The following RASGRF2 variants were observed in gnomAD, a reference collection of about 807,000 sequenced individuals.
RASGRF2 encodes the protein Ras protein specific guanine nucleotide releasing factor 2.
RASGRF2 carries 76 observed loss-of-function variants against 151.0 expected under a neutral mutation model. That is an observed-to-expected ratio of 0.50 (90% CI 0.42 to 0.61). The LOEUF is 0.61. RASGRF2 is among the 20% of genes least tolerant of loss of function. The probability of loss-of-function intolerance (pLI) is 0.00; values close to 1 mark genes in which losing one functional copy is unlikely to be tolerated. For missense variants in RASGRF2, 1,148 were observed against 1,564.6 expected (o/e 0.73, Z 4.49); for synonymous variants, 504 against 566.5 (o/e 0.89, Z 1.57).
intron 1 of RASGRF2, among the ~76,000 whole-genome samples, chr5:81,008,684 C>G (rs1749356808): frequency 6.6e-6 from 1 of 152,088 alleles, no homozygotes; most frequent in South Asian, 2.1e-4. Context: ...TCTTCCTTCT[C>G]TTCTTCCCTC....
At chr5:81,217,573 T>C (rs28390259) in intron 25 of RASGRF2, 100 bp downstream of exon 25, 52,482 of 480,808 alleles carry the variant, frequency 0.11, 4,675 homozygotes, top group Admixed American at 0.28. Flanking sequence ...TTTTTTCTCT[T>C]CTTTTTTTTT....
chr5:81,201,036 G>A (rs938064712), intron 18 of RASGRF2, among the ~76,000 whole-genome samples: 1 of 152,110 alleles, frequency 6.6e-6, no homozygotes, highest in African/African-American at 2.4e-5. Context: ...GGCCTCGTAA[G>A]CTCTGTTAAG....
chr5:81,212,119 A>G (rs1280067864), intron 22 of RASGRF2, among the ~76,000 whole-genome samples: 1 of 152,152 alleles, frequency 6.6e-6, no homozygotes, highest in South Asian at 2.1e-4. Context: ...GAACAAAATC[A>G]TCTCTTCCCT....
chr5:81,117,766 A>G (rs1352184440), intron 15 of RASGRF2, among the ~76,000 whole-genome samples: 2 of 152,238 alleles, frequency 1.3e-5, no homozygotes, highest in South Asian at 2.1e-4. Flanking sequence ...GACTCAAGAC[A>G]TGATTCATCC....
intron 8 of RASGRF2, among the ~76,000 whole-genome samples, chr5:81,086,465 C>T (rs529882086): frequency 6.6e-6 from 1 of 152,264 alleles, no homozygotes; most frequent in East Asian, 1.9e-4. Flanking sequence ...GTCTGTGTTA[C>T]TTTAGCTTAT....
chr5:80,984,420 T>G (rs1039396013), intron 1 of RASGRF2, among the ~76,000 whole-genome samples: 2 of 152,248 alleles, frequency 1.3e-5, no homozygotes, highest in Admixed American at 1.3e-4. Flanking sequence ...TTAGGGTTTG[T>G]GTTTTGTTGA....
intron 1 of RASGRF2, among the ~76,000 whole-genome samples, chr5:81,036,576 T>C (rs975911452): frequency 1.3e-5 from 2 of 152,200 alleles, no homozygotes; most frequent in African/African-American, 4.8e-5. Context: ...CCTTATTTTT[T>C]GGTAAATATT....
At chr5:81,042,205 A>G (rs1750698322) in intron 1 of RASGRF2, among the ~76,000 whole-genome samples, 1 of 152,154 alleles carries the variant, frequency 6.6e-6, no homozygotes, top group Non-Finnish European at 1.5e-5. Flanking sequence ...AGTTCCTTTC[A>G]TCCAACAATA....
intron 7 of RASGRF2, among the ~76,000 whole-genome samples, chr5:81,084,585 C>T (rs1752174154): frequency 6.6e-6 from 1 of 152,182 alleles, no homozygotes; most frequent in African/African-American, 2.4e-5. Flanking sequence ...AGTTCAATGT[C>T]TGTGCTAATG....
chr5:81,035,015 C>T (rs1236095936), intron 1 of RASGRF2, among the ~76,000 whole-genome samples: 1 of 152,152 alleles, frequency 6.6e-6, no homozygotes. Flanking sequence ...AACACTTTTA[C>T]ACTGTTGGTG....
At chr5:81,037,657 A>C (rs1025620903) in intron 1 of RASGRF2, among the ~76,000 whole-genome samples, 1 of 152,242 alleles carries the variant, frequency 6.6e-6, no homozygotes, top group Admixed American at 6.5e-5. Context: ...TGTTTATGTG[A>C]AATGATTGAG....
At chr5:81,105,273 C>T (rs944094814) in intron 12 of RASGRF2, among the ~76,000 whole-genome samples, 1 of 152,108 alleles carries the variant, frequency 6.6e-6, no homozygotes, top group Non-Finnish European at 1.5e-5. Context: ...GACCCAATTC[C>T]TGTATTCCCC....
intron 9 of RASGRF2, among the ~76,000 whole-genome samples, chr5:81,092,587 G>A (rs1009810361): frequency 2.0e-5 from 3 of 152,172 alleles, no homozygotes; most frequent in African/African-American, 7.2e-5. Context: ...AGTCTAAAGT[G>A]TTTCACAAAA....
Position 81,087,067 on chromosome 5 carries a change from C to A in RASGRF2, c.1390+114C>A, listed in dbSNP as rs142350979. On this transcript the variant is annotated intron_variant, in intron 9 of 26. Transcript: ENST00000265080. ...CGTGACGGGTGCGGTGCCCGAAGGA[C>A]CCCCCCACGGCCTTCGCCGAGGCGG... is the stretch of plus-strand genomic sequence containing the variant. 4,113 of 967,646 alleles carry A rather than the reference C, an allele frequency of 4.3e-3. 12 individuals carry two copies. The highest frequency in any genetic ancestry group is 8.0e-3 in the Middle Eastern group (38 of 4,752). 59.9% of individuals were successfully genotyped at this position (967,646 alleles called of 1,614,324 possible).
intron 17 of RASGRF2, among the ~76,000 whole-genome samples, chr5:81,175,172 A>G (rs1754746694): frequency 6.6e-6 from 1 of 152,182 alleles, no homozygotes; most frequent in Non-Finnish European, 1.5e-5. Flanking sequence ...AACAATGTTT[A>G]ACCTATGCAG....
intron 19 of RASGRF2, among the ~76,000 whole-genome samples, chr5:81,201,748 G>A (rs145339860): frequency 3.3e-5 from 5 of 152,282 alleles, no homozygotes; most frequent in African/African-American, 9.6e-5. Context: ...CTGCAAGTCC[G>A]GCAGGCATCA....
chr5:81,120,522 G>A lies in RASGRF2; in HGVS notation c.2471-3120G>A, dbSNP rs191857845. Among the ~76,000 whole-genome samples, 417 of 152,320 alleles carry A rather than the reference G, an allele frequency of 2.7e-3. 6 individuals carry two copies. The highest frequency in any genetic ancestry group is 0.023 in the Admixed American group (347 of 15,298). ...CACTTGAGCCTAAGAGGTCAAGGAC[G>A]CAGTGAGCTCTGATCATACCACTGC... is the stretch of plus-strand genomic sequence containing the variant. On this transcript the variant is annotated intron_variant, in intron 15 of 26. Transcript: ENST00000265080.
intron 16 of RASGRF2, 27 bp downstream of exon 16, chr5:81,123,794 T>C (rs779079536): frequency 6.9e-6 from 11 of 1,591,260 alleles, no homozygotes; most frequent in Non-Finnish European, 9.4e-6. Flanking sequence ...GACTCAGAAA[T>C]AGAAACGTGA....
intron 1 of RASGRF2, among the ~76,000 whole-genome samples, chr5:80,978,795 G>GA (rs72540804): frequency 0.13 from 19,820 of 147,012 alleles, 1,542 homozygotes; most frequent in East Asian, 0.38. Context: ...CTCAAAAAAA[G>GA]AAAAAAAAAG....
Sources: gnomAD v4.1 joint callset for allele counts (sites outside exome capture counted in the v4.1 genomes callset) on GRCh38, gnomAD v4.1.1 for gene constraint, MANE v1.5 for transcripts, NCBI Gene and HGNC (gene_info 2026-07-23, HGNC 2026-07-21) for gene names.